Variants in CADPS2 observed in about 807,000 individuals in gnomAD.
CADPS2 encodes calcium-dependent secretion activator 2.
In CADPS2, 93 loss-of-function variants were observed where a neutral mutation model predicts 172.5. That is an observed-to-expected ratio of 0.54 (90% CI 0.46 to 0.64). The LOEUF is 0.64. CADPS2 is among the 30% of genes least tolerant of loss of function. The pLI is 0.00. For missense variants in CADPS2, 1,420 were observed against 1,565.9 expected (o/e 0.91, Z 1.57); for synonymous variants, 546 against 555.2 (o/e 0.98, Z 0.23).
chr7:122,665,757 C>T (rs1263371689), intron 2 of CADPS2, among the ~76,000 whole-genome samples: 1 of 152,204 alleles, frequency 6.6e-6, no homozygotes, highest in Non-Finnish European at 1.5e-5. Flanking sequence ...GCAGAACTGT[C>T]ATGAGTCAGG....
chr7:122,579,321 A>G (rs998581271), intron 7 of CADPS2, among the ~76,000 whole-genome samples: 3 of 151,684 alleles, frequency 2.0e-5, no homozygotes, highest in Non-Finnish European at 4.4e-5. Flanking sequence ...CCTGCCAACA[A>G]AGAATTACCC....
At chr7:122,795,184 C>G (rs917991361) in intron 1 of CADPS2, among the ~76,000 whole-genome samples, 1 of 151,362 alleles carries the variant, frequency 6.6e-6, no homozygotes, top group Non-Finnish European at 1.5e-5. Flanking sequence ...AATCCAGGAG[C>G]AATTTTTTTG....
At chr7:122,647,835 T>A (rs891105139) in intron 3 of CADPS2, among the ~76,000 whole-genome samples, 2 of 152,138 alleles carry the variant, frequency 1.3e-5, no homozygotes, top group Non-Finnish European at 1.5e-5. Context: ...GAGCCTGACA[T>A]ATAGTGTCAA....
At chr7:122,821,727 T>C (rs1214599538) in intron 1 of CADPS2, among the ~76,000 whole-genome samples, 1 of 152,088 alleles carries the variant, frequency 6.6e-6, no homozygotes. Context: ...AACCTTTATA[T>C]CCCTTAAGGT....
chr7:122,369,014 G>A (rs2041352726), intron 25 of CADPS2, among the ~76,000 whole-genome samples: 1 of 151,930 alleles, frequency 6.6e-6, no homozygotes, highest in South Asian at 2.1e-4. Context: ...TTAATATAAA[G>A]TGGCAATAAA....
intron 15 of CADPS2, among the ~76,000 whole-genome samples, chr7:122,446,898 G>A (rs974991219): frequency 6.6e-6 from 1 of 152,070 alleles, no homozygotes; most frequent in Non-Finnish European, 1.5e-5. Flanking sequence ...CATTTCTCAG[G>A]AATCACTTTC....
chr7:122,768,582 AAC>A lies in CADPS2; in HGVS notation c.340-31516_340-31515del, dbSNP rs768388501. ...GAGGATTCTGACTTTCTAAATTGAA[AAC>A]AAAATGCCTAAAAAGGAATCAAAAT... is the stretch of plus-strand genomic sequence containing the variant. On this transcript the variant is annotated intron_variant, in intron 1 of 29. Coordinates refer to ENST00000449022, the MANE Select transcript of CADPS2 (RefSeq NM_017954.11). Among the ~76,000 whole-genome samples, 23 of 152,262 alleles carry A rather than the reference AAC, an allele frequency of 1.5e-4. No individual in the cohort carries two copies. In the East Asian group the frequency reaches 4.4e-3, roughly 29 times the overall value.
intron 1 of CADPS2, among the ~76,000 whole-genome samples, chr7:122,758,537 T>C (rs189043432): frequency 6.6e-6 from 1 of 152,328 alleles, no homozygotes; most frequent in Admixed American, 6.5e-5. Context: ...TTCAAAATAC[T>C]ATACCTTTAA....
intron 1 of CADPS2, among the ~76,000 whole-genome samples, chr7:122,803,658 C>G (rs1354791520): frequency 1.3e-5 from 2 of 152,072 alleles, no homozygotes; most frequent in Non-Finnish European, 2.9e-5. Flanking sequence ...CCATTTGATT[C>G]ATTTTAAAAA....
chr7:122,401,597 C>T (rs144135171), intron 20 of CADPS2, among the ~76,000 whole-genome samples: 3 of 152,288 alleles, frequency 2.0e-5, no homozygotes, highest in African/African-American at 7.2e-5. Flanking sequence ...TATCATTGAA[C>T]CATCGTGCCA....
At chr7:122,598,545 A>C (rs923895440) in intron 6 of CADPS2, among the ~76,000 whole-genome samples, 1 of 152,006 alleles carries the variant, frequency 6.6e-6, no homozygotes, top group Non-Finnish European at 1.5e-5. Flanking sequence ...GATTGTATTT[A>C]ATTATGTAGT....
chr7:122,628,673 C>T (rs2076301507), intron 4 of CADPS2, among the ~76,000 whole-genome samples: 2 of 150,700 alleles, frequency 1.3e-5, no homozygotes, highest in South Asian at 2.1e-4. Context: ...AAAACTCATG[C>T]CTTTTGTCTG....
chr7:122,338,399 A>AAAAC (rs534926510), intron 28 of CADPS2, among the ~76,000 whole-genome samples: 68 of 152,234 alleles, frequency 4.5e-4, no homozygotes, highest in African/African-American at 1.0e-3. Context: ...GTCTCAGAAA[A>AAAAC]AAACAAACAA....
At chr7:122,471,292 G>C in intron 14 of CADPS2, 83 bp downstream of exon 14, 1 of 791,242 alleles carries the variant, frequency 1.3e-6, no homozygotes, top group Non-Finnish European at 1.8e-6. Flanking sequence ...ATCTGTTACT[G>C]GGTGATAATC....
chr7:122,553,316 C>A (rs1381768833), intron 8 of CADPS2, among the ~76,000 whole-genome samples: 1 of 152,148 alleles, frequency 6.6e-6, no homozygotes, highest in African/African-American at 2.4e-5. Context: ...GCATAAATTA[C>A]TGGTGAGCAG....
chr7:122,335,135 T>C (rs2035642559), intron 28 of CADPS2, among the ~76,000 whole-genome samples: 1 of 152,234 alleles, frequency 6.6e-6, no homozygotes, highest in South Asian at 2.1e-4. Context: ...ATTGAATGAG[T>C]TTGTTTTCTA....
chr7:122,806,797 C>T (rs972378466), intron 1 of CADPS2, among the ~76,000 whole-genome samples: 1 of 152,102 alleles, frequency 6.6e-6, no homozygotes, highest in Non-Finnish European at 1.5e-5. Context: ...TATCTAAGGA[C>T]AGATTATATT....
At chr7:122,885,781 G>A (rs557170548) in intron 1 of CADPS2, among the ~76,000 whole-genome samples, 2 of 152,300 alleles carry the variant, frequency 1.3e-5, no homozygotes, top group South Asian at 4.1e-4. Flanking sequence ...GACAGCTCCT[G>A]CCAGCCCAGG....
chr7:122,794,096 T>C (rs1354306202), intron 1 of CADPS2, among the ~76,000 whole-genome samples: 1 of 152,076 alleles, frequency 6.6e-6, no homozygotes, highest in Non-Finnish European at 1.5e-5. Context: ...GACGATTACA[T>C]GTCTTGTGGA....
Sources: gnomAD v4.1 joint callset for allele counts (sites outside exome capture counted in the v4.1 genomes callset) on GRCh38, gnomAD v4.1.1 for gene constraint, MANE v1.5 for transcripts, NCBI Gene and HGNC (gene_info 2026-07-23, HGNC 2026-07-21) for gene names.